RAPGEF2: variants seen among roughly 807,000 people sequenced by gnomAD.
RAPGEF2 encodes PDZ domain containing guanine nucleotide exchange factor (GEF) 1.
RAPGEF2 carries 54 observed loss-of-function variants against 186.7 expected under a neutral mutation model. The ratio of observed to expected loss-of-function variants is 0.29; its 90% confidence interval spans 0.23 to 0.36. RAPGEF2 has a LOEUF of 0.36. RAPGEF2 is among the 10% of genes least tolerant of loss of function. The probability of loss-of-function intolerance (pLI) is 1.00; values close to 1 mark genes in which losing one functional copy is unlikely to be tolerated. For missense variants in RAPGEF2, 1,532 were observed against 2,045.0 expected, an observed-to-expected ratio of 0.75 and a Z score of 4.84; for synonymous variants, 712 against 705.9, an observed-to-expected ratio of 1.01 and a Z score of -0.14.
intron 1 of RAPGEF2, among the ~76,000 whole-genome samples, chr4:159,134,831 C>T (rs2111143670): frequency 6.6e-6 from 1 of 152,258 alleles, no homozygotes; most frequent in Non-Finnish European, 1.5e-5. Context: ...GACATTTTAT[C>T]AACCTCAAAA....
At chr4:159,247,759 T>TTC (rs1754812683) in intron 7 of RAPGEF2, among the ~76,000 whole-genome samples, 1 of 95,388 alleles carries the variant, frequency 1.0e-5, no homozygotes, top group African/African-American at 3.8e-5. Flanking sequence ...TTGTTTCTTT[T>TTC]TTTTTTTTTT....
chr4:159,193,375 G>T, intron 3 of RAPGEF2, 119 bp downstream of exon 3: 1 of 453,772 alleles, frequency 2.2e-6, no homozygotes, highest in South Asian at 7.5e-5. Context: ...TTTCTTAGTT[G>T]AGAAATGGGA....
chr4:159,245,249 C>T (rs1754492315), intron 7 of RAPGEF2, among the ~76,000 whole-genome samples: 1 of 151,924 alleles, frequency 6.6e-6, no homozygotes, highest in East Asian at 1.9e-4. Flanking sequence ...GGACATTTTT[C>T]AAGGCAAGTG....
chr4:159,265,686 G>A (rs1757347973), intron 7 of RAPGEF2, among the ~76,000 whole-genome samples: 1 of 152,188 alleles, frequency 6.6e-6, no homozygotes, highest in Admixed American at 6.5e-5. Flanking sequence ...TCAGGCTTTA[G>A]TTTTTATAAG....
intron 2 of RAPGEF2, among the ~76,000 whole-genome samples, chr4:159,188,429 C>T (rs527891689): frequency 1.3e-5 from 2 of 151,960 alleles, no homozygotes; most frequent in South Asian, 2.1e-4. Context: ...TTTGGGTGGC[C>T]GAGGTGGGTG....
intron 7 of RAPGEF2, among the ~76,000 whole-genome samples, chr4:159,245,530 C>G (rs953601922): frequency 6.6e-6 from 1 of 151,978 alleles, no homozygotes; most frequent in African/African-American, 2.4e-5. Flanking sequence ...TACCTTGTCT[C>G]CAGGTTCAGA....
intron 1 of RAPGEF2, among the ~76,000 whole-genome samples, chr4:159,185,757 A>G (rs947356191): frequency 1.3e-5 from 2 of 152,198 alleles, no homozygotes; most frequent in African/African-American, 4.8e-5. Flanking sequence ...AGATTGTACA[A>G]CAAAACCACT....
intron 1 of RAPGEF2, among the ~76,000 whole-genome samples, chr4:159,153,735 T>C (rs1188940406): frequency 6.6e-6 from 1 of 152,202 alleles, no homozygotes; most frequent in Non-Finnish European, 1.5e-5. Flanking sequence ...ATTGAATCTT[T>C]GCTGTTTCTT....
chr4:159,326,326 A>G (rs542212661), intron 11 of RAPGEF2, among the ~76,000 whole-genome samples: 1 of 152,208 alleles, frequency 6.6e-6, no homozygotes. Context: ...AATAGCCTCC[A>G]TGAGTTTCTA....
intron 1 of RAPGEF2, among the ~76,000 whole-genome samples, chr4:159,131,465 A>G (rs137863144): frequency 6.8e-6 from 1 of 146,880 alleles, no homozygotes; most frequent in African/African-American, 2.5e-5. Context: ...GTCAGCAGAT[A>G]CTATGTTAAA....
intron 1 of RAPGEF2, among the ~76,000 whole-genome samples, chr4:159,174,429 T>C (rs1434314432): frequency 2.6e-5 from 4 of 152,220 alleles, no homozygotes; most frequent in Non-Finnish European, 4.4e-5. Flanking sequence ...GACACTTGAC[T>C]GCTCTGGGGC....
At chr4:159,302,710 G>A (rs1247728237) in intron 7 of RAPGEF2, among the ~76,000 whole-genome samples, 1 of 151,994 alleles carries the variant, frequency 6.6e-6, no homozygotes, top group East Asian at 1.9e-4. Flanking sequence ...TGAATTTAGA[G>A]GTATTTGCCT....
intron 7 of RAPGEF2, among the ~76,000 whole-genome samples, chr4:159,299,027 A>C (rs1762347866): frequency 6.6e-6 from 1 of 152,238 alleles, no homozygotes; most frequent in Non-Finnish European, 1.5e-5. Flanking sequence ...ATGTCTAGGA[A>C]TATACTTACT....
rs1385230232 is a variant in RAPGEF2 at position 159,350,308 on chromosome 4, T to C, written c.3865+19T>C. On this transcript the variant is annotated intron_variant, in intron 26 of 29. Transcript: ENST00000691494. ...AGGAAAGGTAGAATTAAATTACTTTTTGTTTTCTTGTATTGAAACCTATAC... is the reference window on the plus strand; with the variant it reads ...AGGAAAGGTAGAATTAAATTACTTTCTGTTTTCTTGTATTGAAACCTATAC... The C allele has an allele frequency of 1.3e-6, 2 of 1,525,554 alleles. No individual in the cohort carries two copies. Among genetic ancestry groups the C allele is most frequent in the Non-Finnish European group, 8.8e-7 (1 of 1,135,644 alleles). 94.5% of individuals were successfully genotyped at this position (1,525,554 alleles called of 1,614,324 possible).
In RAPGEF2 at chr4:159,330,265, ATGTG is replaced by A. The variant is rs59463532; in HGVS notation, c.1303-41_1303-38del. On this transcript the variant is annotated intron_variant, in intron 12 of 29. Coordinates refer to ENST00000691494, the MANE Select transcript of RAPGEF2 (RefSeq NM_001394067.2). ...CATATATGTGTGTGTGTATATGTAT[ATGTG>A]TGTGTGTGTGTGTGTGTGTGTGTGT... 276 of 535,198 alleles carry A rather than the reference ATGTG, an allele frequency of 5.2e-4. 1 individual carries two copies. The highest frequency in any genetic ancestry group is 2.4e-3 in the Middle Eastern group (7 of 2,876). 33.2% of individuals were successfully genotyped at this position (535,198 alleles called of 1,614,324 possible).
chr4:159,260,648 T>C (rs1465688453), intron 7 of RAPGEF2, among the ~76,000 whole-genome samples: 1 of 152,202 alleles, frequency 6.6e-6, no homozygotes. Flanking sequence ...TATTTGACAC[T>C]CATCCTTTAC....
chr4:159,254,522 G>C (rs1156684434), intron 7 of RAPGEF2, among the ~76,000 whole-genome samples: 1 of 151,726 alleles, frequency 6.6e-6, no homozygotes, highest in Admixed American at 6.6e-5. Flanking sequence ...GGAGCGTTAA[G>C]GGAAGGAGAT....
At chr4:159,142,411 G>A (rs890459744) in intron 1 of RAPGEF2, among the ~76,000 whole-genome samples, 2 of 151,968 alleles carry the variant, frequency 1.3e-5, no homozygotes, top group Non-Finnish European at 2.9e-5. Context: ...AAGTGGATGG[G>A]ACCAGATGAT....
intron 1 of RAPGEF2, among the ~76,000 whole-genome samples, chr4:159,157,026 G>T (rs921722430): frequency 1.3e-5 from 2 of 152,192 alleles, no homozygotes; most frequent in African/African-American, 2.4e-5. Context: ...AGTGACTCCA[G>T]TGCTCAATTT....
Sources: gnomAD v4.1 joint callset for allele counts (sites outside exome capture counted in the v4.1 genomes callset) on GRCh38, gnomAD v4.1.1 for gene constraint, MANE v1.5 for transcripts, NCBI Gene and HGNC (gene_info 2026-07-23, HGNC 2026-07-21) for gene names.